The following ADCY3 variants were observed in gnomAD, a reference collection of about 807,000 sequenced individuals.
ADCY3 encodes adenylate cyclase 3, also known as adenylate cyclase type 3.
A neutral mutation model predicts 119.4 loss-of-function variants in ADCY3; 70 were observed. That is an observed-to-expected ratio of 0.59 (90% CI 0.48 to 0.72). The LOEUF is 0.72. ADCY3 is among the 30% of genes least tolerant of loss of function. ADCY3 has a pLI of 0.00. For missense variants in ADCY3, 1,238 were observed against 1,541.6 expected (o/e 0.80, Z 3.30); for synonymous variants, 672 against 621.4 (o/e 1.08, Z -1.21).
chr2:24,877,321 G>A (rs979122132), intron 2 of ADCY3, among the ~76,000 whole-genome samples: 3 of 152,064 alleles, frequency 2.0e-5, no homozygotes, highest in East Asian at 1.9e-4. Flanking sequence ...GTCAGCAGGC[G>A]AGCTGAGCAG....
rs139905610 is a variant in ADCY3 at position 24,918,843 on chromosome 2, G to A, written c.145C>T (p.Leu49=). The change falls in exon 2 of 22, where the codon CTG becomes TTG. Residue 49 remains leucine, a synonymous_variant. Transcript: ENST00000679454. This position sits in a 1 kb window ranked among gnomAD's most constrained non-coding sequence, Gnocchi z 5.4. ...SVRNSGSCLC[L]PRFMRLTFVP... is the part of the protein sequence containing the mutation. ...AAAGTCAGCCGCATGAAGCGAGGCA[G>A]GCACAGGCAGGAGCCCGAGTTCCGG... is the stretch of plus-strand genomic sequence containing the variant. 6.2e-7 allele frequency: 1 copy of A among 1,613,508 alleles called. No individual in the cohort carries two copies. Among genetic ancestry groups the A allele is most frequent in the Non-Finnish European group, 8.5e-7 (1 of 1,180,022 alleles).
At chr2:24,828,554 C>A (rs565465380) in intron 13 of ADCY3, among the ~76,000 whole-genome samples, 12 of 152,328 alleles carry the variant, frequency 7.9e-5, no homozygotes, top group South Asian at 2.1e-4. Flanking sequence ...GGACCATGAG[C>A]CCCACTCACA....
At chr2:24,888,973 C>T (rs1677383540) in intron 2 of ADCY3, among the ~76,000 whole-genome samples, 1 of 152,212 alleles carries the variant, frequency 6.6e-6, no homozygotes, top group African/African-American at 2.4e-5. Flanking sequence ...CACACCACTG[C>T]ACTCTAGCAT....
chr2:24,847,226 G>A (rs1168641365), intron 3 of ADCY3, among the ~76,000 whole-genome samples: 1 of 152,138 alleles, frequency 6.6e-6, no homozygotes, highest in African/African-American at 2.4e-5. Context: ...GGGTTTATTA[G>A]GAGTTTCCGC....
At position 24,829,614 on chromosome 2, in the gene ADCY3, G is replaced by A. The variant is rs571072557; in HGVS notation, c.2172+1095C>T. Among the ~76,000 whole-genome samples the A allele has an allele frequency of 2.4e-4, 37 of 151,258 alleles. No individual in the cohort carries two copies. In the South Asian group the frequency reaches 5.7e-3, roughly 23 times the overall value. On this transcript the variant is annotated intron_variant, in intron 13 of 21. Transcript: ENST00000679454. ...TTTTTTGTATTTTTAGTAGAGACGGGGTTTCAACTGTGTTAGCCAGGATGA... is the reference window on the plus strand; with the variant it reads ...TTTTTTGTATTTTTAGTAGAGACGGAGTTTCAACTGTGTTAGCCAGGATGA...
intron 3 of ADCY3, among the ~76,000 whole-genome samples, chr2:24,858,107 T>G (rs1173574203): frequency 6.7e-6 from 1 of 149,314 alleles, no homozygotes; most frequent in Non-Finnish European, 1.5e-5. Context: ...CAGGTGATCC[T>G]CCCGCCTCAG....
intron 9 of ADCY3, among the ~76,000 whole-genome samples, 157 bp downstream of exon 9, chr2:24,836,760 G>T (rs962164258): frequency 6.6e-6 from 1 of 152,146 alleles, no homozygotes; most frequent in African/African-American, 2.4e-5. Context: ...GGGGCTGGAG[G>T]GGTGACCTGT....
intron 2 of ADCY3, among the ~76,000 whole-genome samples, chr2:24,879,025 C>T (rs1245707755): frequency 6.6e-6 from 1 of 152,216 alleles, no homozygotes; most frequent in East Asian, 1.9e-4. Context: ...CCATAGGCAA[C>T]AACTGGCAGA....
intron 3 of ADCY3, among the ~76,000 whole-genome samples, chr2:24,866,313 T>G (rs1366077808): frequency 6.6e-6 from 1 of 152,106 alleles, no homozygotes; most frequent in Non-Finnish European, 1.5e-5. Context: ...TATCTAGTAT[T>G]TAATTTTTAA....
intron 2 of ADCY3, among the ~76,000 whole-genome samples, chr2:24,884,166 C>A (rs1676734804): frequency 6.6e-6 from 1 of 151,932 alleles, no homozygotes; most frequent in South Asian, 2.1e-4. Flanking sequence ...TCCTGAGTTG[C>A]TGTTTTTCCA....
At position 24,842,978 on chromosome 2, in the gene ADCY3, G is replaced by A. The variant is rs888894531; in HGVS notation, c.826-594C>T. ...AGAGAGCAGAGGACGGCGCAAGAGA[G>A]AAGCAGGGGCCAAGGTCGGCCGGGG... On this transcript the variant is annotated intron_variant, in intron 3 of 21. Transcript: ENST00000679454. This position sits in a 1 kb window ranked among gnomAD's most constrained non-coding sequence, Gnocchi z 4.9. Among the ~76,000 whole-genome samples, 10 of 152,224 alleles carry A rather than the reference G, an allele frequency of 6.6e-5. No homozygotes were observed. The highest frequency in any genetic ancestry group is 1.2e-4 in the African/African-American group (5 of 41,462).
chr2:24,899,133 G>A lies in ADCY3; in HGVS notation c.675+19180C>T, dbSNP rs1678625365. ...TCTGCTCCCTAGGCAGAGCCACTAG[G>A]CAGTTGCCAACTGCCTAGGCAACTC... On this transcript the variant is annotated intron_variant, in intron 2 of 21. Coordinates refer to ENST00000679454, the MANE Select transcript of ADCY3 (RefSeq NM_004036.5). This position sits in a 1 kb window ranked among gnomAD's most constrained non-coding sequence, Gnocchi z 4.5. Among the ~76,000 whole-genome samples, 1 of 151,986 alleles carries A rather than the reference G, an allele frequency of 6.6e-6. No homozygotes were observed. Among genetic ancestry groups the A allele is most frequent in the African/African-American group, 2.4e-5 (1 of 41,360 alleles).
At chr2:24,850,177 C>A (rs1672130415) in intron 3 of ADCY3, among the ~76,000 whole-genome samples, 1 of 152,084 alleles carries the variant, frequency 6.6e-6, no homozygotes. Flanking sequence ...TTCCTCCCTC[C>A]TCACTAACAC....
At position 24,917,875 on chromosome 2, in the gene ADCY3, C is replaced by T. The variant is rs570893978; in HGVS notation, c.675+438G>A. Among the ~76,000 whole-genome samples the T allele has an allele frequency of 3.1e-4, 47 of 152,320 alleles. No individual in the cohort carries two copies. The East Asian group carries it at 8.9e-3, about 29-fold the overall frequency. On this transcript the variant is annotated intron_variant, in intron 2 of 21. Coordinates refer to ENST00000679454, the MANE Select transcript of ADCY3 (RefSeq NM_004036.5). ...CAACAACCGTGTCATGCAGGCAGAG[C>T]GGACGTTATCCCCATTTGACAAAGG...
chr2:24,819,937 A>T lies in ADCY3; in HGVS notation c.3430T>A (p.Ser1144Thr). 2.5e-6 allele frequency: 4 copies of T among 1,613,642 alleles called. No individual in the cohort carries two copies. The highest frequency in any genetic ancestry group is 3.4e-6 in the Non-Finnish European group (4 of 1,179,838). The change falls in exon 22 of 22, where the codon TCC (serine) becomes ACC (threonine). Residue 1144 changes from serine to threonine, a missense_variant. By Grantham distance (58) the Ser-to-Thr change is moderately conservative (BLOSUM62 1). Transcript: ENST00000679454. ...VTLPHQVVDN[S>T] ...TGTTGCAGGCTCGAGGCCATTCAGG[A>T]GTTGTCCACCACCTGGTGGGGCAGT...
At chr2:24,846,850 A>G (rs551092271) in intron 3 of ADCY3, among the ~76,000 whole-genome samples, 1 of 152,334 alleles carries the variant, frequency 6.6e-6, no homozygotes, top group South Asian at 2.1e-4. Context: ...AAGTCCTGGC[A>G]TTACAGGTGT....
chr2:24,900,812 C>T (rs1369561865), intron 2 of ADCY3, among the ~76,000 whole-genome samples: 1 of 152,178 alleles, frequency 6.6e-6, no homozygotes, highest in Non-Finnish European at 1.5e-5. Flanking sequence ...TGCCTGTAAT[C>T]CCAGCAGTTT....
At chr2:24,912,704 C>A (rs369623239) in intron 2 of ADCY3, among the ~76,000 whole-genome samples, 2 of 152,112 alleles carry the variant, frequency 1.3e-5, no homozygotes, top group Admixed American at 1.3e-4. Context: ...TAGAAAAACT[C>A]GCTGACTATA....
chr2:24,845,061 A>G (rs908656739), intron 3 of ADCY3, among the ~76,000 whole-genome samples: 2 of 152,232 alleles, frequency 1.3e-5, no homozygotes, highest in African/African-American at 2.4e-5. Flanking sequence ...ACCTCCCGCC[A>G]TGATTCTGAG....
Sources: allele counts gnomAD v4.1 joint callset (sites outside exome capture counted in the v4.1 genomes callset), GRCh38; gene constraint gnomAD v4.1.1; non-coding constraint Gnocchi (gnomAD v3.1); transcripts MANE v1.5; gene names NCBI Gene and HGNC (gene_info 2026-07-23, HGNC 2026-07-21).